SNX9: variants seen among roughly 807,000 people sequenced by gnomAD.
SNX9 encodes sorting nexin 9, also known as sorting nexin-9.
SNX9 carries 44 observed loss-of-function variants against 89.4 expected under a neutral mutation model. The observed-to-expected ratio is 0.49, with a 90% CI of 0.39 to 0.63. The LOEUF (loss-of-function observed/expected upper bound fraction) is 0.63. Ranked by LOEUF, SNX9 falls within the 30% of genes least tolerant of loss-of-function variation. SNX9 has a pLI of 0.00. For synonymous variants in SNX9, 236 were observed against 247.8 expected, an observed-to-expected ratio of 0.95 and a Z score of 0.45; for missense variants, 578 against 736.1, an observed-to-expected ratio of 0.79 and a Z score of 2.49.
At chr6:157,845,233 C>T (rs115448252) in intron 1 of SNX9, among the ~76,000 whole-genome samples, 1,828 of 151,834 alleles carry the variant, frequency 0.012, 43 homozygotes, top group African/African-American at 0.042. Context: ...CTCAGCTTTC[C>T]GAATAGCTGG....
Position 157,932,196 on chromosome 6 carries a change from A to C in SNX9, c.1290A>C (p.Pro430=), listed in dbSNP as rs748110242. 1 of 1,614,088 alleles carries C rather than the reference A, an allele frequency of 6.2e-7. No individual in the cohort carries two copies. Among genetic ancestry groups the C allele is most frequent in the South Asian group, 1.1e-5 (1 of 91,082 alleles). Residue 430 remains proline (P), a splice_region_variant and synonymous_variant, in exon 13 of 18, where the codon CCA becomes CCC. Transcript: ENST00000392185. ...CGTTTATTCCTTTTTGTCTTTCAGCATTACCCAAGGAATATCAGAAGATAG... is the reference window on the plus strand; with the variant it reads ...CGTTTATTCCTTTTTGTCTTTCAGCCTTACCCAAGGAATATCAGAAGATAG... The part of the protein sequence containing the change: ...GQEHWKRCTG[P]LPKEYQKIGK...
intron 13 of SNX9, chr6:157,934,405 CAA>C (rs1783879858): frequency 6.6e-6 from 1 of 151,862 alleles, no homozygotes; most frequent in Admixed American, 6.6e-5. Context: ...TATTAGAAAA[CAA>C]ATTTAAATCA....
chr6:157,860,833 G>A (rs1230368923), intron 1 of SNX9, among the ~76,000 whole-genome samples: 1 of 152,142 alleles, frequency 6.6e-6, no homozygotes, highest in Non-Finnish European at 1.5e-5. Context: ...TCAGAACTCT[G>A]CTCCCCTAGA....
At chr6:157,882,854 G>A (rs1782654746) in intron 4 of SNX9, among the ~76,000 whole-genome samples, 1 of 152,170 alleles carries the variant, frequency 6.6e-6, no homozygotes, top group African/African-American at 2.4e-5. Context: ...TATGAACATT[G>A]TTGACAACAA....
At chr6:157,914,480 T>TTTTTTTTA (rs1230479661) in intron 9 of SNX9, among the ~76,000 whole-genome samples, 1 of 133,348 alleles carries the variant, frequency 7.5e-6, no homozygotes, top group Non-Finnish European at 1.6e-5. Flanking sequence ...TTTTTTTTTT[T>TTTTTTTTA]TTTTTTTTTT....
At chr6:157,830,852 G>A (rs528842984) in intron 1 of SNX9, among the ~76,000 whole-genome samples, 35 of 152,250 alleles carry the variant, frequency 2.3e-4, no homozygotes, top group South Asian at 6.2e-4. Flanking sequence ...GAAAAGGACC[G>A]ATGGAAATCT....
At chr6:157,886,192 C>T (rs1022964250) in intron 4 of SNX9, among the ~76,000 whole-genome samples, 3 of 152,046 alleles carry the variant, frequency 2.0e-5, no homozygotes, top group Admixed American at 6.6e-5. Context: ...TCCAAACAAG[C>T]GCTTGCCCTG....
chr6:157,854,101 G>C (rs1282565421), intron 1 of SNX9, among the ~76,000 whole-genome samples: 1 of 152,238 alleles, frequency 6.6e-6, no homozygotes, highest in Non-Finnish European at 1.5e-5. Flanking sequence ...GAGGGTGTGG[G>C]AGATGGGTAC....
chr6:157,938,397 G>C (rs982151665), intron 15 of SNX9, among the ~76,000 whole-genome samples: 2 of 152,264 alleles, frequency 1.3e-5, no homozygotes, highest in African/African-American at 4.8e-5. Context: ...TTTCTCTTTT[G>C]TTGTAGCATA....
At chr6:157,917,192 G>C (rs1173233832) in intron 9 of SNX9, among the ~76,000 whole-genome samples, 1 of 151,806 alleles carries the variant, frequency 6.6e-6, no homozygotes, top group Non-Finnish European at 1.5e-5. Flanking sequence ...GTATTTCTTT[G>C]TACCTTTAAA....
At chr6:157,915,640 A>AAAAAAAAAAAAAT (rs1472422303) in intron 9 of SNX9, among the ~76,000 whole-genome samples, 1 of 95,172 alleles carries the variant, frequency 1.1e-5, no homozygotes, top group African/African-American at 4.7e-5. Context: ...AAAAAAAAAA[A>AAAAAAAAAAAAAT]ATATATATAT....
chr6:157,927,191 A>G lies in SNX9; in HGVS notation c.1161A>G (p.Ala387=). ...TATTTTCCACCATGGAACCAGAGGC[A>G]CCTGACTTGGACTTAGTAGAAATGT... is the stretch of plus-strand genomic sequence containing the variant. The part of the protein sequence containing the change: ...VMIFSTMEPE[A]PDLDLVEIEQ... Residue 387 remains alanine, a synonymous_variant, in exon 11 of 18, where the codon GCA becomes GCG. Transcript: ENST00000392185. 2 of 1,613,578 alleles carry G rather than the reference A, an allele frequency of 1.2e-6. No individual in the cohort carries two copies. The highest frequency in any genetic ancestry group is 1.7e-6 in the Non-Finnish European group (2 of 1,179,510).
intron 4 of SNX9, among the ~76,000 whole-genome samples, chr6:157,887,508 C>T (rs1782760444): frequency 1.3e-5 from 2 of 152,158 alleles, no homozygotes; most frequent in Non-Finnish European, 2.9e-5. Flanking sequence ...CCACAGAGAC[C>T]GCCGAGCTTT....
intron 1 of SNX9, among the ~76,000 whole-genome samples, chr6:157,844,895 G>A (rs902332783): frequency 1.3e-5 from 2 of 151,348 alleles, no homozygotes; most frequent in Non-Finnish European, 3.0e-5. Context: ...GCGCCTGGCC[G>A]TCGTCCTTGT....
intron 1 of SNX9, among the ~76,000 whole-genome samples, chr6:157,825,567 A>C (rs938274723): frequency 5.3e-5 from 8 of 152,078 alleles, no homozygotes; most frequent in African/African-American, 1.7e-4. Flanking sequence ...TATCTACACC[A>C]CTCCAAAGGC....
At chr6:157,870,287 T>C (rs573596424) in intron 2 of SNX9, among the ~76,000 whole-genome samples, 3 of 130,086 alleles carry the variant, frequency 2.3e-5, no homozygotes, top group South Asian at 5.4e-4. Flanking sequence ...CTCTCACATA[T>C]GCACTCACGT....
At chr6:157,864,139 G>T (rs79377442) in intron 1 of SNX9, among the ~76,000 whole-genome samples, 4,781 of 152,234 alleles carry the variant, frequency 0.031, 189 homozygotes, top group African/African-American at 0.09. Context: ...GCAGGGTAGG[G>T]CCCGGCTCTG....
chr6:157,910,127 C>T (rs1228811155), intron 9 of SNX9, 102 bp downstream of exon 9: 5 of 855,866 alleles, frequency 5.8e-6, no homozygotes, highest in Non-Finnish European at 9.9e-6. Context: ...TGTAGAGCAG[C>T]AGGATGCAGG....
chr6:157,883,484 T>C (rs1446571811), intron 4 of SNX9, among the ~76,000 whole-genome samples: 1 of 152,220 alleles, frequency 6.6e-6, no homozygotes, highest in Non-Finnish European at 1.5e-5. Context: ...GTATCAGAGT[T>C]AGGCAAGCAG....
Sources: gnomAD v4.1 joint callset for allele counts (sites outside exome capture counted in the v4.1 genomes callset) on GRCh38, gnomAD v4.1.1 for gene constraint, MANE v1.5 for transcripts, NCBI Gene and HGNC (gene_info 2026-07-23, HGNC 2026-07-21) for gene names.